Variants in PRLR observed in about 807,000 individuals in gnomAD.
PRLR encodes hPRL receptor.
Under a neutral mutation model 40.2 loss-of-function variants are expected in PRLR, and 13 were observed. The observed-to-expected ratio is 0.32, with a 90% CI of 0.21 to 0.51. PRLR has a LOEUF of 0.51. Among genes scored for constraint, PRLR ranks in the 20% least tolerant of loss-of-function variants. PRLR has a pLI of 0.97. For missense variants in PRLR, 656 were observed against 747.3 expected (o/e 0.88, Z 1.42); for synonymous variants, 269 against 278.7 (o/e 0.97, Z 0.35).
Position 35,083,529 on chromosome 5 carries a change from T to C in PRLR, c.373+941A>G, listed in dbSNP as rs1383517935. On this transcript the variant is annotated intron_variant, in intron 5 of 9. Coordinates refer to ENST00000618457, the MANE Select transcript of PRLR (RefSeq NM_000949.7). Reference sequence around the variant, plus strand: ...TAAATTCTTTCTTTTCTTTTCTTTTTTTTTTTTTGATGTGGAGTCTCGCTC... The same window carrying C: ...TAAATTCTTTCTTTTCTTTTCTTTTCTTTTTTTTGATGTGGAGTCTCGCTC... Among the ~76,000 whole-genome samples, 24 of 150,290 alleles carry C rather than the reference T, an allele frequency of 1.6e-4. No individual in the cohort carries two copies. In the Middle Eastern group the frequency reaches 0.01, roughly 65 times the overall value.
intron 1 of PRLR, among the ~76,000 whole-genome samples, chr5:35,167,776 G>A (rs1774885198): frequency 6.6e-6 from 1 of 151,928 alleles, no homozygotes; most frequent in Admixed American, 6.6e-5. Flanking sequence ...AGCACTAGGT[G>A]AATTACAACA....
intron 2 of PRLR, among the ~76,000 whole-genome samples, chr5:35,113,659 C>T (rs1393389319): frequency 3.9e-5 from 6 of 152,352 alleles, no homozygotes; most frequent in Middle Eastern, 6.8e-3. Context: ...CTGAAACAAA[C>T]CTCCTAGTAC....
In PRLR at chr5:35,078,190, G is replaced by C. The variant is rs979346472; in HGVS notation, c.374-5446C>G. Among the ~76,000 whole-genome samples the C allele has an allele frequency of 2.6e-5, 4 of 152,052 alleles. No homozygotes were observed. The East Asian group carries it at 5.8e-4, about 22-fold the overall frequency. The stretch of plus-strand genomic sequence containing the variant: ...ACATTCAAAAGCTAGCAGAAGGCAA[G>C]AAATAACTAAGATCAGAGAAGAACT... On this transcript the variant is annotated intron_variant, in intron 5 of 9. Coordinates refer to ENST00000618457, the MANE Select transcript of PRLR (RefSeq NM_000949.7).
chr5:35,119,309 G>C (rs987750745), intron 1 of PRLR, among the ~76,000 whole-genome samples: 12 of 152,126 alleles, frequency 7.9e-5, no homozygotes, highest in African/African-American at 2.7e-4. Context: ...TCAATGGACA[G>C]AGGAGGAGGT....
Position 35,104,937 on chromosome 5 carries a change from A to T in PRLR, c.-44+13124T>A, listed in dbSNP as rs1772137124. Among the ~76,000 whole-genome samples, 3 of 152,068 alleles carry T rather than the reference A, an allele frequency of 2.0e-5. No homozygotes were observed. In the South Asian group the frequency reaches 6.2e-4, roughly 32 times the overall value. On this transcript the variant is annotated intron_variant, in intron 2 of 9. Coordinates refer to ENST00000618457, the MANE Select transcript of PRLR (RefSeq NM_000949.7). The stretch of plus-strand genomic sequence containing the variant: ...GACTGCCTCCTCAAGTGGGTCCCTG[A>T]CCCCCGAGTAGCCTAACTAGGAGAC...
chr5:35,169,869 G>A (rs1367457962), intron 1 of PRLR, among the ~76,000 whole-genome samples: 3 of 152,148 alleles, frequency 2.0e-5, no homozygotes, highest in Non-Finnish European at 4.4e-5. Flanking sequence ...TCTGCGTTTA[G>A]CATTCTATAA....
chr5:35,205,209 C>A (rs1018777989), intron 1 of PRLR, among the ~76,000 whole-genome samples: 1 of 151,800 alleles, frequency 6.6e-6, no homozygotes, highest in Non-Finnish European at 1.5e-5. Flanking sequence ...TATGAAGATG[C>A]TAGATTTCTG....
chr5:35,066,915 C>T (rs1305444629), intron 9 of PRLR, among the ~76,000 whole-genome samples: 2 of 152,076 alleles, frequency 1.3e-5, no homozygotes, highest in Non-Finnish European at 2.9e-5. Flanking sequence ...AGGCGCCCAC[C>T]ACCACGCCTG....
intron 1 of PRLR, among the ~76,000 whole-genome samples, chr5:35,192,844 G>A (rs961416485): frequency 2.6e-5 from 4 of 152,300 alleles, no homozygotes; most frequent in African/African-American, 4.8e-5. Context: ...TCCTCTGTGT[G>A]GAAGAACTGC....
At chr5:35,193,473 G>C (rs1316626833) in intron 1 of PRLR, among the ~76,000 whole-genome samples, 1 of 152,172 alleles carries the variant, frequency 6.6e-6, no homozygotes, top group South Asian at 2.1e-4. Flanking sequence ...ACCATGCCTT[G>C]GGAGGACTTG....
chr5:35,157,234 A>G (rs1774536168), intron 1 of PRLR, among the ~76,000 whole-genome samples: 1 of 152,128 alleles, frequency 6.6e-6, no homozygotes, highest in Admixed American at 6.5e-5. Context: ...AGGCCAGAGC[A>G]ATATCTTATA....
intron 1 of PRLR, among the ~76,000 whole-genome samples, chr5:35,166,543 G>A (rs1478079957): frequency 6.6e-6 from 1 of 151,958 alleles, no homozygotes; most frequent in African/African-American, 2.4e-5. Flanking sequence ...TAATTAGCTG[G>A]GATGGTTGAG....
chr5:35,200,928 T>C (rs1291434086), intron 1 of PRLR, among the ~76,000 whole-genome samples: 1 of 152,186 alleles, frequency 6.6e-6, no homozygotes, highest in African/African-American at 2.4e-5. Flanking sequence ...CATCTGCAGA[T>C]TGTTCATCCT....
chr5:35,175,054 G>A (rs1316903115), intron 1 of PRLR, among the ~76,000 whole-genome samples: 4 of 152,134 alleles, frequency 2.6e-5, no homozygotes, highest in Admixed American at 6.5e-5. Flanking sequence ...TCTTGTAGAC[G>A]TATCCCAATT....
chr5:35,076,297 A>G (rs1259185276), intron 5 of PRLR, among the ~76,000 whole-genome samples: 1 of 152,318 alleles, frequency 6.6e-6, no homozygotes. Flanking sequence ...AAAAACCTCA[A>G]AAAAGATTAG....
At chr5:35,172,284 C>A (rs1351657736) in intron 1 of PRLR, among the ~76,000 whole-genome samples, 2 of 152,232 alleles carry the variant, frequency 1.3e-5, no homozygotes, top group African/African-American at 4.8e-5. Context: ...TGACCTGCAA[C>A]CTGCTCTGAA....
chr5:35,048,876 C>T (rs953237019), exon 9 of PRLR: 6 of 325,948 alleles, frequency 1.8e-5, no homozygotes, highest in African/African-American at 1.3e-4. Context: ...GGGACAGTGA[C>T]AAAGCTGATT....
intron 1 of PRLR, 60 bp from the exon 2 acceptor site, chr5:35,118,182 G>C (rs1773138542): frequency 1.2e-6 from 1 of 868,316 alleles, no homozygotes; most frequent in Admixed American, 6.2e-5. Flanking sequence ...TTCCATTTCT[G>C]GCTCACTCTG....
At chr5:35,120,567 A>G (rs766323299) in intron 1 of PRLR, among the ~76,000 whole-genome samples, 1 of 152,228 alleles carries the variant, frequency 6.6e-6, no homozygotes, top group Non-Finnish European at 1.5e-5. Flanking sequence ...GTGGGGAGAC[A>G]TAATTTAATA....
Sources: allele counts gnomAD v4.1 joint callset (sites outside exome capture counted in the v4.1 genomes callset), GRCh38; gene constraint gnomAD v4.1.1; transcripts MANE v1.5; gene names NCBI Gene and HGNC (gene_info 2026-07-23, HGNC 2026-07-21).